Variants in ITGA1 observed in about 807,000 individuals in gnomAD.
The protein encoded by ITGA1 is integrin subunit alpha 1, also known as integrin alpha-1.
In ITGA1, 85 loss-of-function variants were observed where a neutral mutation model predicts 145.9. The ratio of observed to expected loss-of-function variants is 0.58; its 90% CI spans 0.49 to 0.70. ITGA1 has a LOEUF of 0.70. ITGA1 is among the 30% of genes least tolerant of loss of function. The pLI, the probability that ITGA1 is intolerant of heterozygous loss-of-function variation, is 0.00. For missense variants in ITGA1, 1,351 were observed against 1,418.7 expected, an observed-to-expected ratio of 0.95 and a Z score of 0.77; for synonymous variants, 520 against 495.3, an observed-to-expected ratio of 1.05 and a Z score of -0.66.
intron 20 of ITGA1, among the ~76,000 whole-genome samples, chr5:52,928,658 G>T (rs1365854312): frequency 1.3e-5 from 2 of 152,110 alleles, no homozygotes; most frequent in Non-Finnish European, 2.9e-5. Context: ...GGAACAAATT[G>T]AATTTCCAAA....
intron 3 of ITGA1, among the ~76,000 whole-genome samples, chr5:52,862,439 C>T (rs1249661166): frequency 1.3e-5 from 2 of 151,800 alleles, no homozygotes; most frequent in East Asian, 1.9e-4. Context: ...TCCCTCTGTC[C>T]TTAATTTGCT....
chr5:52,830,843 C>A (rs1014002678), intron 1 of ITGA1, among the ~76,000 whole-genome samples: 1 of 152,168 alleles, frequency 6.6e-6, no homozygotes, highest in Admixed American at 6.5e-5. Context: ...AAACTGGGAC[C>A]TCCCTCAGCT....
intron 1 of ITGA1, among the ~76,000 whole-genome samples, chr5:52,813,144 A>G (rs1748710989): frequency 6.6e-6 from 1 of 152,200 alleles, no homozygotes; most frequent in African/African-American, 2.4e-5. Flanking sequence ...CTCTTCAAGG[A>G]TACCACTGAG....
chr5:52,844,706 A>G (rs1749307297), intron 1 of ITGA1, among the ~76,000 whole-genome samples: 1 of 152,148 alleles, frequency 6.6e-6, no homozygotes, highest in Non-Finnish European at 1.5e-5. Flanking sequence ...TTCTTTTGAC[A>G]TCTGTCTTAT....
At chr5:52,808,676 C>CTTTATTT in intron 1 of ITGA1, among the ~76,000 whole-genome samples, 1 of 69,328 alleles carries the variant, frequency 1.4e-5, no homozygotes, top group South Asian at 5.4e-4. Context: ...TTCTTTCTTT[C>CTTTATTT]TTTTTTTTTT....
chr5:52,861,591 C>T (rs752030722), intron 3 of ITGA1, 32 bp downstream of exon 3: 8 of 1,328,400 alleles, frequency 6.0e-6, no homozygotes, highest in Non-Finnish European at 8.7e-6. Flanking sequence ...TGGTTTTAGG[C>T]CAGGTGCGGT....
chr5:52,906,994 T>G (rs1158927473), intron 12 of ITGA1, among the ~76,000 whole-genome samples: 1 of 152,236 alleles, frequency 6.6e-6, no homozygotes, highest in Non-Finnish European at 1.5e-5. Context: ...CAAGAGTAAC[T>G]GCACTCTGGG....
intron 11 of ITGA1, chr5:52,904,584 A>G (rs6875863): frequency 0.56 from 85,914 of 152,116 alleles, 24,833 homozygotes; most frequent in African/African-American, 0.68. Flanking sequence ...ACCGGGCACA[A>G]TGGCTCACGC....
intron 1 of ITGA1, among the ~76,000 whole-genome samples, chr5:52,828,191 G>A (rs1749000208): frequency 6.6e-6 from 1 of 152,092 alleles, no homozygotes; most frequent in South Asian, 2.1e-4. Flanking sequence ...TTGACTTGTA[G>A]GGCAACTCTA....
chr5:52,951,436 A>T (rs1332315274), intron 28 of ITGA1, among the ~76,000 whole-genome samples: 1 of 152,202 alleles, frequency 6.6e-6, no homozygotes, highest in Non-Finnish European at 1.5e-5. Flanking sequence ...AAACAATTGC[A>T]GCACTTATAA....
chr5:52,842,552 C>T (rs549631213), intron 1 of ITGA1, among the ~76,000 whole-genome samples: 1 of 152,072 alleles, frequency 6.6e-6, no homozygotes, highest in South Asian at 2.1e-4. Flanking sequence ...TTTGATTATT[C>T]TCTTTTGCTA....
intron 1 of ITGA1, among the ~76,000 whole-genome samples, chr5:52,820,349 A>G (rs1748856183): frequency 2.1e-5 from 2 of 96,408 alleles, no homozygotes; most frequent in East Asian, 3.3e-4. Flanking sequence ...CAGGAAGGGG[A>G]ACATCACACA....
At chr5:52,950,123 A>C (rs1181336903) in intron 28 of ITGA1, among the ~76,000 whole-genome samples, 2 of 152,100 alleles carry the variant, frequency 1.3e-5, no homozygotes, top group Non-Finnish European at 2.9e-5. Context: ...TGATGGGAGG[A>C]ATCTTGTAGG....
intron 8 of ITGA1, 67 bp downstream of exon 8, chr5:52,888,032 A>G: frequency 6.8e-7 from 1 of 1,470,390 alleles, no homozygotes; most frequent in Non-Finnish European, 9.2e-7. Flanking sequence ...CATATTGGGT[A>G]ATTTTATGAA....
At chr5:52,903,962 G>A (rs1475306256) in intron 11 of ITGA1, 1 of 152,284 alleles carries the variant, frequency 6.6e-6, no homozygotes, top group Non-Finnish European at 1.5e-5. Context: ...CAAATCAAGA[G>A]ATTGAAATCT....
chr5:52,878,276 G>A (rs1230402395), intron 6 of ITGA1, among the ~76,000 whole-genome samples: 1 of 152,104 alleles, frequency 6.6e-6, no homozygotes, highest in Non-Finnish European at 1.5e-5. Context: ...AGCAGATAAG[G>A]GAATAGGCAG....
At chr5:52,851,149 A>G (rs2111754410) in intron 2 of ITGA1, among the ~76,000 whole-genome samples, 1 of 152,374 alleles carries the variant, frequency 6.6e-6, no homozygotes, top group South Asian at 2.1e-4. Flanking sequence ...AAGGATGGTT[A>G]AATATTGCTA....
intron 11 of ITGA1, among the ~76,000 whole-genome samples, chr5:52,900,825 G>C (rs116452804): frequency 2.0e-4 from 30 of 152,242 alleles, no homozygotes; most frequent in African/African-American, 7.2e-4. Context: ...ATTAAGTAAT[G>C]ACTATATTTA....
chr5:52,875,643 C>T (rs1320107282), intron 6 of ITGA1, among the ~76,000 whole-genome samples: 3 of 152,132 alleles, frequency 2.0e-5, no homozygotes, highest in East Asian at 3.9e-4. Flanking sequence ...TTTCTATATT[C>T]ATCTACTCTT....
Sources: gnomAD v4.1 joint callset for allele counts (sites outside exome capture counted in the v4.1 genomes callset) on GRCh38, gnomAD v4.1.1 for gene constraint, MANE v1.5 for transcripts, NCBI Gene and HGNC (gene_info 2026-07-23, HGNC 2026-07-21) for gene names.